Variants in DACH2 observed in about 807,000 individuals in gnomAD.
DACH2 encodes the protein dachshund family transcription factor 2.
In DACH2, 17 loss-of-function variants were observed where a neutral mutation model predicts 35.8. The observed-to-expected ratio is 0.48, with a 90% CI of 0.33 to 0.71. The LOEUF (loss-of-function observed/expected upper bound fraction) is 0.71. Among genes scored for constraint, DACH2 ranks in the 30% least tolerant of loss-of-function variants. DACH2 has a pLI of 0.02. For synonymous variants in DACH2, 195 were observed against 177.3 expected (o/e 1.10, Z -0.79); for missense variants, 469 against 472.7 (o/e 0.99, Z 0.07).
At chrX:86,593,680 G>T (rs1420899890) in intron 3 of DACH2, among the ~76,000 whole-genome samples, 1 of 110,461 alleles carries the variant, frequency 9.1e-6, no homozygotes, top group African/African-American at 3.3e-5. Flanking sequence ...GCCCGCCTCA[G>T]CCTCCCAAAT....
chrX:86,328,478 C>T (rs1012370533), intron 1 of DACH2, among the ~76,000 whole-genome samples: 21 of 111,462 alleles, frequency 1.9e-4, no homozygotes, highest in African/African-American at 6.8e-4. Context: ...AAGTTAATCC[C>T]CATGCAGTAT....
chrX:86,605,280 C>G (rs2039842487), intron 3 of DACH2, among the ~76,000 whole-genome samples: 1 of 111,186 alleles, frequency 9.0e-6, no homozygotes, highest in African/African-American at 3.3e-5. Flanking sequence ...TGAAACCCCC[C>G]TTTAAAAAAA....
chrX:86,302,693 A>G (rs974941655), intron 1 of DACH2, among the ~76,000 whole-genome samples: 1 of 110,376 alleles, frequency 9.1e-6, no homozygotes. Flanking sequence ...TAGATTATGT[A>G]TTATTTATAT....
intron 3 of DACH2, among the ~76,000 whole-genome samples, chrX:86,554,644 T>A (rs776468847): frequency 8.9e-6 from 1 of 111,847 alleles, no homozygotes; most frequent in African/African-American, 3.2e-5. Flanking sequence ...TACGGCAATA[T>A]GATGCCATAG....
At chrX:86,155,176 C>T (rs935368585) in intron 1 of DACH2, among the ~76,000 whole-genome samples, 9 of 110,308 alleles carry the variant, frequency 8.2e-5, no homozygotes, top group African/African-American at 3.0e-4. Flanking sequence ...GTTTTTAAAT[C>T]CTTACTAATA....
intron 3 of DACH2, among the ~76,000 whole-genome samples, chrX:86,612,126 G>T (rs772883978): frequency 2.3e-4 from 25 of 108,439 alleles, no homozygotes; most frequent in Admixed American, 1.1e-3. Context: ...CTTCTTGCCC[G>T]GGTTGTGTAT....
At chrX:86,702,951 A>G (rs144709074) in intron 5 of DACH2, among the ~76,000 whole-genome samples, 2 of 111,260 alleles carry the variant, frequency 1.8e-5, no homozygotes, top group East Asian at 5.7e-4. Flanking sequence ...CCAAGCAAGA[A>G]AGGCACATAA....
At chrX:86,587,619 A>C (rs2039590955) in intron 3 of DACH2, among the ~76,000 whole-genome samples, 1 of 111,185 alleles carries the variant, frequency 9.0e-6, no homozygotes, top group African/African-American at 3.3e-5. Flanking sequence ...TTTAACATGA[A>C]CCTGTGATGT....
At chrX:86,311,836 TG>T (rs372876003) in intron 1 of DACH2, among the ~76,000 whole-genome samples, 2 of 111,439 alleles carry the variant, frequency 1.8e-5, no homozygotes, top group African/African-American at 6.5e-5. Context: ...ACTATCAAGA[TG>T]AAATCAGTCT....
Position 86,793,127 on chromosome X carries a change from C to CT in DACH2, c.1241-19723dup, listed in dbSNP as rs2042202738. 1.8e-5 allele frequency among the ~76,000 whole-genome samples: 2 copies of CT among 110,656 alleles called. 1 individual carries two copies. The highest frequency in any genetic ancestry group is 7.6e-4 in the South Asian group (2 of 2,633). ...TTCCTGATAATTAGTGATGTGGAGC[C>CT]TTTTTTATCTACCCGTTGGCCATTT... is the stretch of plus-strand genomic sequence containing the variant. On this transcript the variant is annotated intron_variant, in intron 7 of 11. Coordinates refer to ENST00000373125, the MANE Select transcript of DACH2 (RefSeq NM_053281.3).
chrX:86,278,298 G>C (rs997375132), intron 1 of DACH2, among the ~76,000 whole-genome samples: 11 of 111,892 alleles, frequency 9.8e-5, no homozygotes, highest in Non-Finnish European at 1.3e-4. Context: ...TGCTTCAAAA[G>C]TTGGACCAAT....
chrX:86,554,276 A>G (rs1876437295), intron 3 of DACH2, among the ~76,000 whole-genome samples: 1 of 111,269 alleles, frequency 9.0e-6, no homozygotes, highest in Non-Finnish European at 1.9e-5. Context: ...AATAGTAACA[A>G]TCTGTATATA....
At chrX:86,662,903 C>A (rs914873095) in intron 4 of DACH2, among the ~76,000 whole-genome samples, 1 of 110,826 alleles carries the variant, frequency 9.0e-6, no homozygotes, top group South Asian at 3.8e-4. Flanking sequence ...TATATTTATG[C>A]GCTATACACA....
intron 4 of DACH2, among the ~76,000 whole-genome samples, chrX:86,665,126 A>G (rs1249511943): frequency 8.9e-6 from 1 of 112,150 alleles, no homozygotes; most frequent in Non-Finnish European, 1.9e-5. Flanking sequence ...ACTTTATTTT[A>G]CTGATTTAAG....
intron 7 of DACH2, among the ~76,000 whole-genome samples, chrX:86,745,389 G>A (rs1206705110): frequency 9.0e-6 from 1 of 111,170 alleles, no homozygotes; most frequent in African/African-American, 3.3e-5. Flanking sequence ...TATCTGACAT[G>A]TAGTTTTTGA....
intron 1 of DACH2, among the ~76,000 whole-genome samples, chrX:86,208,264 T>G (rs1449912806): frequency 9.0e-6 from 1 of 110,921 alleles, no homozygotes; most frequent in Non-Finnish European, 1.9e-5. Flanking sequence ...TTTGAAATCT[T>G]ACTAGGAAAA....
intron 7 of DACH2, among the ~76,000 whole-genome samples, chrX:86,799,755 T>C (rs944301224): frequency 4.4e-5 from 5 of 112,402 alleles, no homozygotes; most frequent in African/African-American, 1.6e-4. Flanking sequence ...AGAGTAAATT[T>C]TTTTAAAGAA....
rs1034325552 is a variant in DACH2, at chrX:86,776,378, C to T, written c.1241-36478C>T. 6.3e-5 allele frequency among the ~76,000 whole-genome samples: 7 copies of T among 111,384 alleles called. 1 individual carries two copies. In the East Asian group the frequency reaches 2.0e-3, roughly 32 times the overall value. On this transcript the variant is annotated intron_variant, in intron 7 of 11. Coordinates refer to ENST00000373125, the MANE Select transcript of DACH2 (RefSeq NM_053281.3). Reference sequence around the variant, plus strand: ...GAAGCTAATTACTTCCCAAAGGCCCCACCTCCAAATAACATAACATTGGAG... The same window carrying T: ...GAAGCTAATTACTTCCCAAAGGCCCTACCTCCAAATAACATAACATTGGAG...
At chrX:86,452,948 G>A (rs752217494) in intron 2 of DACH2, among the ~76,000 whole-genome samples, 1 of 111,028 alleles carries the variant, frequency 9.0e-6, no homozygotes, top group Non-Finnish European at 1.9e-5. Context: ...TTTGATGTGG[G>A]CATTTAGTGC....
Sources: gnomAD v4.1 joint callset for allele counts (sites outside exome capture counted in the v4.1 genomes callset) on GRCh38, gnomAD v4.1.1 for gene constraint, MANE v1.5 for transcripts, NCBI Gene and HGNC (gene_info 2026-07-23, HGNC 2026-07-21) for gene names.